RPTOR: variants seen among roughly 807,000 people sequenced by gnomAD.
RPTOR encodes regulatory associated protein of MTOR complex 1.
Under a neutral mutation model 169.9 loss-of-function variants are expected in RPTOR, and 21 were observed. That is an observed-to-expected ratio of 0.12 (90% CI 0.09 to 0.18). The LOEUF (loss-of-function observed/expected upper bound fraction) is 0.18. Ranked by LOEUF, RPTOR falls within the 10% of genes least tolerant of loss-of-function variation. The probability of loss-of-function intolerance (pLI) is 1.00; values close to 1 mark genes in which losing one functional copy is unlikely to be tolerated. For missense variants in RPTOR, 1,133 were observed against 1,855.9 expected, an observed-to-expected ratio of 0.61 and a Z score of 7.16; for synonymous variants, 732 against 753.2, an observed-to-expected ratio of 0.97 and a Z score of 0.46.
At chr17:80,841,136 G>C (rs1405855340) in intron 10 of RPTOR, among the ~76,000 whole-genome samples, 12 of 70,744 alleles carry the variant, frequency 1.7e-4, no homozygotes, top group Admixed American at 1.3e-4. Context: ...CTCACCGCAC[G>C]GCAGCTCACT....
At chr17:80,611,244 AAGT>A in intron 1 of RPTOR, among the ~76,000 whole-genome samples, 1 of 152,202 alleles carries the variant, frequency 6.6e-6, no homozygotes, top group East Asian at 1.9e-4. Flanking sequence ...ATTTGAAAGT[AAGT>A]AGCACATGTT....
intron 13 of RPTOR, among the ~76,000 whole-genome samples, chr17:80,872,319 T>C (rs1464837117): frequency 6.6e-6 from 1 of 152,178 alleles, no homozygotes; most frequent in East Asian, 1.9e-4. Flanking sequence ...CCTAGTTCCA[T>C]GTGGAGCCCT....
rs1309914672 is a variant in RPTOR, at chr17:80,966,361, C to T, written c.*2031C>T. 7 of 225,816 alleles carry T rather than the reference C, an allele frequency of 3.1e-5. No individual in the cohort carries two copies. The highest frequency in any genetic ancestry group is 1.8e-4 in the South Asian group (1 of 5,472). The allele number at this position is 225,816 out of a possible 1,614,324, so 14.0% of individuals were successfully genotyped here. On this transcript the variant is annotated 3_prime_UTR_variant, in exon 34 of 34. Transcript: ENST00000306801. Reference sequence around the variant, plus strand: ...AGAGAGTGACCAACAGTAAACAACACGCGCAGACTCCGCGGCTGGCGGCTG... The same window carrying T: ...AGAGAGTGACCAACAGTAAACAACATGCGCAGACTCCGCGGCTGGCGGCTG...
chr17:80,812,805 C>G (rs1050685874), intron 7 of RPTOR, among the ~76,000 whole-genome samples: 1 of 152,258 alleles, frequency 6.6e-6, no homozygotes, highest in Admixed American at 6.5e-5. Flanking sequence ...CAAGGGAGCC[C>G]GTGCTGTTCT....
chr17:80,595,145 T>A (rs1191204088), intron 1 of RPTOR, among the ~76,000 whole-genome samples: 1 of 152,160 alleles, frequency 6.6e-6, no homozygotes, highest in East Asian at 1.9e-4. Context: ...CCTTTCACTT[T>A]CTTTTCTTCC....
intron 5 of RPTOR, among the ~76,000 whole-genome samples, chr17:80,745,667 T>A (rs548584795): frequency 6.6e-6 from 1 of 152,210 alleles, no homozygotes; most frequent in Non-Finnish European, 1.5e-5. Context: ...TTTGCAAACA[T>A]GGCCATTGTA....
At chr17:80,945,967 C>T (rs1189784028) in intron 26 of RPTOR, among the ~76,000 whole-genome samples, 186 bp downstream of exon 26, 3 of 152,184 alleles carry the variant, frequency 2.0e-5, no homozygotes, top group Non-Finnish European at 2.9e-5. Flanking sequence ...GCCCCACCCA[C>T]ACCTGCCCCG....
chr17:80,718,951 A>T (rs1187487789), intron 4 of RPTOR, among the ~76,000 whole-genome samples: 2 of 152,202 alleles, frequency 1.3e-5, no homozygotes, highest in Non-Finnish European at 2.9e-5. Context: ...ACCCTGAGTC[A>T]GGCTGGTGGG....
chr17:80,797,433 C>G (rs985308691), intron 7 of RPTOR, among the ~76,000 whole-genome samples: 8 of 152,388 alleles, frequency 5.2e-5, no homozygotes, highest in Middle Eastern at 6.8e-3. Context: ...TGGGCATGAG[C>G]CGCTGTGCCC....
chr17:80,830,919 A>AT (rs1000286806), intron 9 of RPTOR, among the ~76,000 whole-genome samples: 4 of 151,748 alleles, frequency 2.6e-5, no homozygotes, highest in Admixed American at 6.6e-5. Context: ...ATTGTTTTGT[A>AT]TTTTTTGTAG....
intron 2 of RPTOR, among the ~76,000 whole-genome samples, chr17:80,642,432 A>G (rs957915485): frequency 6.6e-6 from 1 of 152,156 alleles, no homozygotes. Flanking sequence ...GAGCCTGGCA[A>G]CTTCTTAGTA....
chr17:80,884,303 C>T (rs1346451476), intron 16 of RPTOR, among the ~76,000 whole-genome samples: 1 of 151,466 alleles, frequency 6.6e-6, no homozygotes, highest in Admixed American at 6.6e-5. Flanking sequence ...CACTAGATCT[C>T]CACTTTACGG....
chr17:80,614,172 T>A (rs985119511), intron 1 of RPTOR, among the ~76,000 whole-genome samples: 1 of 152,014 alleles, frequency 6.6e-6, no homozygotes, highest in Non-Finnish European at 1.5e-5. Flanking sequence ...CCACCCCCAA[T>A]ACACATACTC....
Position 80,634,458 on chromosome 17 carries a change from CAT to C in RPTOR, c.265+8667_265+8668del, listed in dbSNP as rs757977829. Among the ~76,000 whole-genome samples the C allele has an allele frequency of 1.7e-3, 196 of 113,812 alleles. No individual in the cohort carries two copies. In the Middle Eastern group the frequency reaches 0.033, roughly 19 times the overall value. 74.7% of individuals were successfully genotyped at this position (113,812 alleles called of 152,430 possible). A position where few individuals can be genotyped will look rare whatever the true frequency, so the allele number is the denominator to read the frequency against. ...ATACTGTGTGCATACTTTGTGTGTGCATAGTGTGTGCGTGTGCATACTGTGTG... is the reference window on the plus strand; with the variant it reads ...ATACTGTGTGCATACTTTGTGTGTGCAGTGTGTGCGTGTGCATACTGTGTG... On this transcript the variant is annotated intron_variant, in intron 2 of 33. Coordinates refer to ENST00000306801, the MANE Select transcript of RPTOR (RefSeq NM_020761.3).
chr17:80,723,178 C>G (rs2066301757), intron 4 of RPTOR, among the ~76,000 whole-genome samples: 1 of 148,796 alleles, frequency 6.7e-6, no homozygotes, highest in Admixed American at 6.6e-5. Flanking sequence ...TGAAGTGGTG[C>G]CTTGTGTGTT....
At chr17:80,815,330 G>A (rs901331310) in intron 7 of RPTOR, among the ~76,000 whole-genome samples, 2 of 152,230 alleles carry the variant, frequency 1.3e-5, no homozygotes. Context: ...AGAGAGAGCT[G>A]CCACTCCAAC....
At chr17:80,950,538 A>G (rs563621170) in intron 28 of RPTOR, among the ~76,000 whole-genome samples, 1 of 150,984 alleles carries the variant, frequency 6.6e-6, no homozygotes, top group African/African-American at 2.4e-5. Context: ...CTTAAGTTTC[A>G]TCCAGCAAAA....
intron 9 of RPTOR, among the ~76,000 whole-genome samples, chr17:80,832,992 T>C (rs2067522858): frequency 6.6e-6 from 1 of 152,188 alleles, no homozygotes; most frequent in Non-Finnish European, 1.5e-5. Flanking sequence ...CAGAGCCGGC[T>C]TTCTGTTTAA....
intron 2 of RPTOR, among the ~76,000 whole-genome samples, chr17:80,634,436 CTGTGTGCATACTTTG>C (rs1431309121): frequency 2.4e-5 from 2 of 82,816 alleles, no homozygotes; most frequent in Non-Finnish European, 4.6e-5. Context: ...TGTGTGCATA[CTGTGTGCATACTTTG>C]TGTGTGCATA....
Sources: allele counts gnomAD v4.1 joint callset (sites outside exome capture counted in the v4.1 genomes callset), GRCh38; gene constraint gnomAD v4.1.1; transcripts MANE v1.5; gene names NCBI Gene and HGNC (gene_info 2026-07-23, HGNC 2026-07-21).